The following CISD2 variants were observed in gnomAD, a reference collection of about 807,000 sequenced individuals.
The protein encoded by CISD2 is CDGSH iron sulfur domain 2, also known as CDGSH iron-sulfur domain-containing protein 2.
CISD2 carries 1 observed loss-of-function variant against 12.9 expected under a neutral mutation model. That is an observed-to-expected ratio of 0.08 (90% CI 0.03 to 0.37). The LOEUF (loss-of-function observed/expected upper bound fraction) is 0.37. Ranked by LOEUF, CISD2 falls within the 10% of genes least tolerant of loss-of-function variation. CISD2 has a pLI of 0.99. For synonymous variants in CISD2, 50 were observed against 60.6 expected, an observed-to-expected ratio of 0.83 and a Z score of 0.81; for missense variants, 97 against 163.1, an observed-to-expected ratio of 0.59 and a Z score of 2.21.
At chr4:102,887,227 G>A (rs868026073) in intron 2 of CISD2, 114 bp from the exon 3 acceptor site, 28 of 648,448 alleles carry the variant, frequency 4.3e-5, no homozygotes, top group Admixed American at 3.9e-4. Context: ...TCAGGAAAAC[G>A]ATCTGATTTT....
rs374112419 is a variant in CISD2 at position 102,888,660 on chromosome 4, C to G, written c.*1230C>G. On this transcript the variant is annotated 3_prime_UTR_variant, in exon 3 of 3. Transcript: ENST00000273986. Reference sequence around the variant, plus strand: ...CATAATAGCTATCCTTAGCCAGGTGCCATGGCACAGGCCTGTAGTCCCAAC... The same window carrying G: ...CATAATAGCTATCCTTAGCCAGGTGGCATGGCACAGGCCTGTAGTCCCAAC... 1.3e-5 allele frequency: 2 copies of G among 152,336 alleles called. No individual in the cohort carries two copies. The highest frequency in any genetic ancestry group is 2.1e-4 in the South Asian group (1 of 4,826). The allele number at this position is 152,336 out of a possible 1,614,324, so 9.4% of individuals were successfully genotyped here.
Position 102,880,721 on chromosome 4 carries a change from G to A in CISD2, c.104-4495G>A, listed in dbSNP as rs1050097802. Reference sequence around the variant, plus strand: ...TAAATTATTTTATTTGGTCAGGCACGGTGGCTCACGCCTGTAATCCCAGCA... The same window carrying A: ...TAAATTATTTTATTTGGTCAGGCACAGTGGCTCACGCCTGTAATCCCAGCA... On this transcript the variant is annotated intron_variant, in intron 1 of 2. Transcript: ENST00000273986. Among the ~76,000 whole-genome samples the A allele has an allele frequency of 2.6e-5, 4 of 151,900 alleles. No individual in the cohort carries two copies. The East Asian group carries it at 5.8e-4, about 22-fold the overall frequency.
intron 1 of CISD2, among the ~76,000 whole-genome samples, chr4:102,873,293 G>C (rs186303358): frequency 6.6e-6 from 1 of 152,142 alleles, no homozygotes; most frequent in Non-Finnish European, 1.5e-5. Flanking sequence ...GTGAGAAAGG[G>C]TTTCACTCTG....
At position 102,869,161 on chromosome 4, in the gene CISD2, G is replaced by C. The variant is rs771168860; in HGVS notation, c.77G>C (p.Ser26Thr). The C allele has an allele frequency of 1.2e-6, 2 of 1,611,598 alleles. No individual in the cohort carries two copies. Among genetic ancestry groups the C allele is most frequent in the Non-Finnish European group, 1.7e-6 (2 of 1,179,044 alleles). ...CTGAAGCGGCTCCCAGTCCCTGAAA[G>C]CATTACCGGGTTCGCTAGGCTCACA... ...AYLKRLPVPE[S>T]ITGFARLTVS... is the part of the protein sequence containing the mutation. Residue 26 changes from serine (S) to threonine (T), a missense_variant, in exon 1 of 3, where the codon AGC becomes ACC. By Grantham distance (58) the Ser-to-Thr change is moderately conservative. Coordinates refer to ENST00000273986, the MANE Select transcript of CISD2 (RefSeq NM_001008388.5).
chr4:102,877,445 C>T (rs112791770), intron 1 of CISD2, among the ~76,000 whole-genome samples: 1 of 152,242 alleles, frequency 6.6e-6, no homozygotes, highest in African/African-American at 2.4e-5. Flanking sequence ...ATCTGGAGAA[C>T]ACTGATGCCA....
At chr4:102,877,622 T>C (rs1733620547) in intron 1 of CISD2, among the ~76,000 whole-genome samples, 1 of 152,236 alleles carries the variant, frequency 6.6e-6, no homozygotes, top group Non-Finnish European at 1.5e-5. Flanking sequence ...GTGGGGACTC[T>C]GTGTGAGGGC....
chr4:102,885,023 C>T, intron 1 of CISD2, 193 bp from the exon 2 acceptor site: 1 of 563,044 alleles, frequency 1.8e-6, no homozygotes, highest in Admixed American at 3.0e-5. Flanking sequence ...TCACTGGTCT[C>T]AAATTATAAA....
intron 1 of CISD2, among the ~76,000 whole-genome samples, chr4:102,873,306 G>C (rs1047565101): frequency 2.6e-5 from 4 of 152,138 alleles, no homozygotes; most frequent in Non-Finnish European, 5.9e-5. Context: ...TCACTCTGTT[G>C]CCCAGGCTGG....
rs961643299 is a variant in CISD2, at chr4:102,889,734, GC to G, written c.*2305del. ...TTCAGAAGCGTAGGGTTGGTAGTAAGCTGTTGCTTTAATAACTCCTTTAAAT... is the reference window on the plus strand; with the variant it reads ...TTCAGAAGCGTAGGGTTGGTAGTAAGTGTTGCTTTAATAACTCCTTTAAAT... On this transcript the variant is annotated 3_prime_UTR_variant, in exon 3 of 3. Coordinates refer to ENST00000273986, the MANE Select transcript of CISD2 (RefSeq NM_001008388.5). The G allele has an allele frequency of 1.3e-5, 2 of 152,132 alleles. No individual in the cohort carries two copies. The highest frequency in any genetic ancestry group is 4.8e-5 in the African/African-American group (2 of 41,424). 9.4% of individuals were successfully genotyped at this position (152,132 alleles called of 1,614,324 possible).
At chr4:102,885,821 C>G (rs1320027920) in intron 2 of CISD2, among the ~76,000 whole-genome samples, 2 of 152,282 alleles carry the variant, frequency 1.3e-5, no homozygotes, top group Non-Finnish European at 2.9e-5. Flanking sequence ...CTCTAATCTT[C>G]AGGGTTTGTT....
At chr4:102,880,561 C>T (rs2110396570) in intron 1 of CISD2, among the ~76,000 whole-genome samples, 3 of 151,742 alleles carry the variant, frequency 2.0e-5, no homozygotes, top group Middle Eastern at 6.8e-3. Context: ...GTCCATAATC[C>T]CAGCTATTTG....
intron 1 of CISD2, among the ~76,000 whole-genome samples, chr4:102,872,326 G>A (rs911550507): frequency 5.9e-5 from 9 of 152,072 alleles, no homozygotes; most frequent in Admixed American, 2.0e-4. Context: ...TGCCTCGGCC[G>A]CCCAAAGTGC....
intron 1 of CISD2, among the ~76,000 whole-genome samples, chr4:102,872,095 T>C (rs1733468772): frequency 6.6e-6 from 1 of 152,218 alleles, no homozygotes; most frequent in Non-Finnish European, 1.5e-5. Flanking sequence ...TTGTTTTGTT[T>C]TTTGAGAGGG....
intron 1 of CISD2, among the ~76,000 whole-genome samples, chr4:102,871,397 AATGACC>A (rs1733442828): frequency 6.6e-6 from 1 of 152,194 alleles, no homozygotes; most frequent in South Asian, 2.1e-4. Flanking sequence ...TCTCAGAAAT[AATGACC>A]ATTCTGAGAA....
rs1003585512 is a variant in CISD2, at chr4:102,890,498, G to GGA, written c.*3073_*3074dup. On this transcript the variant is annotated 3_prime_UTR_variant, in exon 3 of 3. Transcript: ENST00000273986. ...TCAGTTGTGGCAGCATAACCAATCT[G>GGA]GAGAGACCAGGGGAGATGTTACTAA... The GGA allele has an allele frequency of 6.6e-5, 10 of 152,090 alleles. No homozygotes were observed. Among genetic ancestry groups the GGA allele is most frequent in the Non-Finnish European group, 1.5e-4 (10 of 68,034 alleles). The allele number at this position is 152,090 out of a possible 1,614,324, so 9.4% of individuals were successfully genotyped here.
In CISD2 at chr4:102,889,949, T is replaced by C. The variant is rs1734153747; in HGVS notation, c.*2519T>C. ...GGCTCTTGAAATACATGTCTTCGGT[T>C]TCTAGAGCCTTCAAAATACAGCCCT... On this transcript the variant is annotated 3_prime_UTR_variant, in exon 3 of 3. Transcript: ENST00000273986. 6.6e-6 allele frequency: 1 copy of C among 151,334 alleles called. No homozygotes were observed. Among genetic ancestry groups the C allele is most frequent in the Middle Eastern group, 3.2e-3 (1 of 316 alleles). The allele number at this position is 151,334 out of a possible 1,614,324, so 9.4% of individuals were successfully genotyped here. A position where few individuals can be genotyped will look rare whatever the true frequency, so the allele number is the denominator to read the frequency against.
rs1008629240 is a variant in CISD2 at position 102,890,052 on chromosome 4, T to G, written c.*2622T>G. ...AACTACTCATGCCTTACTCAGCAAA[T>G]GAACATCACTATTACATAAACATCA... On this transcript the variant is annotated 3_prime_UTR_variant, in exon 3 of 3. Transcript: ENST00000273986. 6 of 152,184 alleles carry G rather than the reference T, an allele frequency of 3.9e-5. No homozygotes were observed. Among genetic ancestry groups the G allele is most frequent in the Admixed American group, 3.9e-4 (6 of 15,272 alleles). 9.4% of individuals were successfully genotyped at this position (152,184 alleles called of 1,614,324 possible).
At chr4:102,885,554 C>A (rs149945252) in intron 2 of CISD2, 124 bp downstream of exon 2, 77 of 758,592 alleles carry the variant, frequency 1.0e-4, no homozygotes, top group Admixed American at 2.7e-4. Context: ...TATTGAAAGA[C>A]CATATTCCTA....
At position 102,874,773 on chromosome 4, in the gene CISD2, C is replaced by T. The variant is rs1578310283; in HGVS notation, c.103+5586C>T. On this transcript the variant is annotated intron_variant, in intron 1 of 2. Coordinates refer to ENST00000273986, the MANE Select transcript of CISD2 (RefSeq NM_001008388.5). The stretch of plus-strand genomic sequence containing the variant: ...GTTTAGGGAATCCTAGTAGAGACTA[C>T]TGCTCACATTTGTTCTCTCTTCTCT... 2.0e-5 allele frequency: 3 copies of T among 152,214 alleles called. No individual in the cohort carries two copies. The East Asian group carries it at 5.8e-4, about 29-fold the overall frequency. The allele number at this position is 152,214 out of a possible 1,614,324, so 9.4% of individuals were successfully genotyped here. A position where few individuals can be genotyped will look rare whatever the true frequency, so the allele number is the denominator to read the frequency against.
Sources: gnomAD v4.1 joint callset for allele counts (sites outside exome capture counted in the v4.1 genomes callset) on GRCh38, gnomAD v4.1.1 for gene constraint, MANE v1.5 for transcripts, NCBI Gene and HGNC (gene_info 2026-07-23, HGNC 2026-07-21) for gene names.